ARHGAP15: variants seen among roughly 807,000 people sequenced by gnomAD.
ARHGAP15 encodes the protein rho GTPase-activating protein 15.
Under a neutral mutation model 63.7 loss-of-function variants are expected in ARHGAP15, and 51 were observed. The ratio of observed to expected loss-of-function variants is 0.80; its 90% CI spans 0.64 to 1.01. ARHGAP15 has a LOEUF of 1.01. Ranked by LOEUF, ARHGAP15 falls within the 50% of genes least tolerant of loss-of-function variation. The pLI is 0.00. For missense variants in ARHGAP15, 560 were observed against 564.6 expected (o/e 0.99, Z 0.08); for synonymous variants, 191 against 193.8 (o/e 0.99, Z 0.12).
intron 13 of ARHGAP15, among the ~76,000 whole-genome samples, chr2:143,734,990 T>C (rs1574909004): frequency 6.6e-6 from 1 of 152,240 alleles, no homozygotes; most frequent in Non-Finnish European, 1.5e-5. Context: ...ACCTTTTATT[T>C]AGCAGATTAG....
intron 12 of ARHGAP15, among the ~76,000 whole-genome samples, chr2:143,645,940 C>G (rs983394011): frequency 2.6e-5 from 4 of 152,082 alleles, no homozygotes; most frequent in African/African-American, 9.7e-5. Context: ...GAAACTGAAG[C>G]AAAACACATG....
chr2:143,605,411 T>C (rs1034762743), intron 11 of ARHGAP15, among the ~76,000 whole-genome samples: 4 of 152,174 alleles, frequency 2.6e-5, no homozygotes. Context: ...GACACATAAT[T>C]AGCACCTTAA....
In ARHGAP15 at chr2:143,341,017, A is replaced by G. The variant is rs186747538; in HGVS notation, c.474+90417A>G. Among the ~76,000 whole-genome samples the G allele has an allele frequency of 3.9e-5, 6 of 152,128 alleles. No individual in the cohort carries two copies. The East Asian group carries it at 5.8e-4, about 15-fold the overall frequency. On this transcript the variant is annotated intron_variant, in intron 6 of 13. Coordinates refer to ENST00000295095, the MANE Select transcript of ARHGAP15 (RefSeq NM_018460.4). ...TGTTTTTACCGTTTTGGGAGTATTT[A>G]TTCATTCATTTGACTTAGTTTTGTC...
chr2:143,338,584 T>G (rs1403962928), intron 6 of ARHGAP15, among the ~76,000 whole-genome samples: 1 of 152,132 alleles, frequency 6.6e-6, no homozygotes, highest in Non-Finnish European at 1.5e-5. Flanking sequence ...ACAGCTAATT[T>G]AGTATCAAAT....
intron 6 of ARHGAP15, among the ~76,000 whole-genome samples, chr2:143,253,205 TC>T (rs1680245837): frequency 8.7e-6 from 1 of 114,948 alleles, no homozygotes; most frequent in South Asian, 3.5e-4. Flanking sequence ...TTGAAATCTG[TC>T]TTTAAAAAGT....
At chr2:143,346,560 C>G (rs112630556) in intron 6 of ARHGAP15, among the ~76,000 whole-genome samples, 3 of 152,048 alleles carry the variant, frequency 2.0e-5, no homozygotes, top group African/African-American at 7.2e-5. Context: ...GTAACATTCC[C>G]TACATTATGC....
At chr2:143,191,124 G>GT (rs1007890759) in intron 2 of ARHGAP15, among the ~76,000 whole-genome samples, 2 of 152,120 alleles carry the variant, frequency 1.3e-5, no homozygotes, top group South Asian at 2.1e-4. Flanking sequence ...AAAAGGTCAG[G>GT]TTTTTTTCTT....
Position 143,721,061 on chromosome 2 carries a change from C to CAAAAAAAAAAAAAAAAAAAAAAAA in ARHGAP15, c.1244+17556_1244+17557insAAAAAAAAAAAAAAAAAAAAAAAA, listed in dbSNP as rs60500194. ...TGGGCGACAGAGCAAGACTCCGTCT[C>CAAAAAAAAAAAAAAAAAAAAAAAA]AAAAAAAAAAAAAAAAAAATGCAGA... On this transcript the variant is annotated intron_variant, in intron 13 of 13. Coordinates refer to ENST00000295095, the MANE Select transcript of ARHGAP15 (RefSeq NM_018460.4). Among the ~76,000 whole-genome samples the CAAAAAAAAAAAAAAAAAAAAAAAA allele has an allele frequency of 2.5e-5, 2 of 78,432 alleles. 1 individual carries two copies. The highest frequency in any genetic ancestry group is 5.0e-5 in the Non-Finnish European group (2 of 40,388). The allele number at this position is 78,432 out of a possible 152,430, so 51.5% of individuals were successfully genotyped here. A position where few individuals can be genotyped will look rare whatever the true frequency, so the allele number is the denominator to read the frequency against.
At chr2:143,523,241 C>T (rs1056025264) in intron 10 of ARHGAP15, among the ~76,000 whole-genome samples, 1 of 152,000 alleles carries the variant, frequency 6.6e-6, no homozygotes, top group East Asian at 1.9e-4. Flanking sequence ...CAGACACACA[C>T]GGTTATGTAT....
intron 8 of ARHGAP15, among the ~76,000 whole-genome samples, chr2:143,462,141 T>C: frequency 6.6e-6 from 1 of 152,070 alleles, no homozygotes; most frequent in East Asian, 1.9e-4. Flanking sequence ...GCCTGGGCAA[T>C]AGAGCCAGAA....
At chr2:143,527,845 G>A (rs539672436) in intron 10 of ARHGAP15, among the ~76,000 whole-genome samples, 9 of 152,040 alleles carry the variant, frequency 5.9e-5, no homozygotes, top group South Asian at 2.1e-4. Flanking sequence ...CATTGCTACC[G>A]ATGCATATAG....
chr2:143,141,744 A>C (rs752634364), intron 1 of ARHGAP15, among the ~76,000 whole-genome samples: 36 of 152,134 alleles, frequency 2.4e-4, no homozygotes, highest in Admixed American at 1.3e-4. Flanking sequence ...TCTGCTCTTC[A>C]TTTGCGATCT....
chr2:143,649,555 G>T (rs1006897231), intron 12 of ARHGAP15, among the ~76,000 whole-genome samples: 6 of 151,878 alleles, frequency 4.0e-5, no homozygotes, highest in African/African-American at 7.2e-5. Flanking sequence ...CAATCAGCTT[G>T]CCCATTTGTA....
intron 6 of ARHGAP15, among the ~76,000 whole-genome samples, chr2:143,330,109 A>AAAAAAAAAAAC: frequency 1.2e-5 from 1 of 83,830 alleles, no homozygotes; most frequent in Non-Finnish European, 2.4e-5. Flanking sequence ...AAAAAAAAAA[A>AAAAAAAAAAAC]AAAAAAAAAA....
intron 5 of ARHGAP15, among the ~76,000 whole-genome samples, chr2:143,250,015 A>G (rs1000189769): frequency 5.9e-5 from 9 of 152,222 alleles, no homozygotes; most frequent in African/African-American, 2.2e-4. Context: ...TCAATTTTCT[A>G]GATGATGTAG....
At chr2:143,139,417 A>T (rs1161978188) in intron 1 of ARHGAP15, among the ~76,000 whole-genome samples, 2 of 152,086 alleles carry the variant, frequency 1.3e-5, no homozygotes, top group African/African-American at 4.8e-5. Flanking sequence ...AGTCTTGTCT[A>T]GATTATGGCA....
At chr2:143,732,010 C>G (rs1009814619) in intron 13 of ARHGAP15, among the ~76,000 whole-genome samples, 1 of 152,162 alleles carries the variant, frequency 6.6e-6, no homozygotes, top group Non-Finnish European at 1.5e-5. Context: ...TGCAAAATTG[C>G]CTTCCTTCTC....
intron 6 of ARHGAP15, among the ~76,000 whole-genome samples, chr2:143,269,239 T>TCTC (rs1681149838): frequency 6.6e-6 from 1 of 152,130 alleles, no homozygotes; most frequent in Non-Finnish European, 1.5e-5. Flanking sequence ...TGGAGAGCGG[T>TCTC]CAGAGATAAA....
chr2:143,560,663 G>A (rs1320258173), intron 11 of ARHGAP15, among the ~76,000 whole-genome samples: 1 of 152,212 alleles, frequency 6.6e-6, no homozygotes, highest in Non-Finnish European at 1.5e-5. Context: ...TAACTGATGA[G>A]TACTACCGTT....
Sources: allele counts gnomAD v4.1 joint callset (sites outside exome capture counted in the v4.1 genomes callset), GRCh38; gene constraint gnomAD v4.1.1; transcripts MANE v1.5; gene names NCBI Gene and HGNC (gene_info 2026-07-23, HGNC 2026-07-21).